CMIP: variants seen among roughly 807,000 people sequenced by gnomAD.
CMIP encodes the protein C-Maf-inducing protein.
Under a neutral mutation model 97.3 loss-of-function variants are expected in CMIP, and 13 were observed. That is an observed-to-expected ratio of 0.13 (90% confidence interval 0.09 to 0.21). The LOEUF (loss-of-function observed/expected upper bound fraction) is 0.21, where lower values mean the gene tolerates loss of function less well. Among genes scored for constraint, CMIP ranks in the 10% least tolerant of loss-of-function variants. The pLI is 1.00. For missense variants in CMIP, 847 were observed against 1,024.9 expected (o/e 0.83, Z 2.37); for synonymous variants, 538 against 436.3 (o/e 1.23, Z -2.91).
At chr16:81,493,195 G>C (rs1047671499) in intron 1 of CMIP, among the ~76,000 whole-genome samples, 1 of 152,154 alleles carries the variant, frequency 6.6e-6, no homozygotes, top group African/African-American at 2.4e-5. Context: ...CACTTCAGGG[G>C]TGATGGAGCC....
chr16:81,564,605 G>C (rs1030461309), intron 1 of CMIP, among the ~76,000 whole-genome samples: 1 of 152,238 alleles, frequency 6.6e-6, no homozygotes, highest in South Asian at 2.1e-4. Flanking sequence ...CTGCGCCGCA[G>C]TGCCAGGGAG....
chr16:81,483,641 T>C (rs954811909), intron 1 of CMIP, among the ~76,000 whole-genome samples: 1 of 150,900 alleles, frequency 6.6e-6, no homozygotes, highest in Non-Finnish European at 1.5e-5. Context: ...CCCACTGTTT[T>C]GTGGGGATTG....
rs2092442639 is a variant in CMIP at position 81,652,767 on chromosome 16, G to A, written c.639+403G>A. Among the ~76,000 whole-genome samples, 1 of 152,190 alleles carries A rather than the reference G, an allele frequency of 6.6e-6. No individual in the cohort carries two copies. The highest frequency in any genetic ancestry group is 6.5e-5 in the Admixed American group (1 of 15,282). ...TTAAACACCATTTTAAAAATCAGGA[G>A]ATTTCACAGTACAGTGGGAATTTCC... On this transcript the variant is annotated intron_variant, in intron 4 of 20. Coordinates refer to ENST00000537098, the MANE Select transcript of CMIP (RefSeq NM_198390.3). This position sits in a 1 kb window ranked among gnomAD's most constrained non-coding sequence, Gnocchi z 5.2.
rs145990628 is a variant in CMIP, at chr16:81,486,126, C to T, written c.300+40585C>T. On this transcript the variant is annotated intron_variant, in intron 1 of 20. Transcript: ENST00000537098. ...GCGTGTTGGTTTGCACGTTCATTGC[C>T]TGCTGGCCAGAGCGAGCTGGTGTGT... Among the ~76,000 whole-genome samples the T allele has an allele frequency of 3.5e-3, 526 of 152,374 alleles. 5 individuals are homozygous for T. The highest frequency in any genetic ancestry group is 0.012 in the African/African-American group (495 of 41,596).
At chr16:81,479,015 A>T (rs1399284658) in intron 1 of CMIP, among the ~76,000 whole-genome samples, 1 of 152,210 alleles carries the variant, frequency 6.6e-6, no homozygotes, top group Non-Finnish European at 1.5e-5. Context: ...CTGGACGCCT[A>T]GGAGAAGCCG....
chr16:81,647,132 T>C (rs2092372544), intron 3 of CMIP, among the ~76,000 whole-genome samples: 1 of 152,222 alleles, frequency 6.6e-6, no homozygotes, highest in South Asian at 2.1e-4. Context: ...TGTCTGTCAT[T>C]TTCTATTACA....
At chr16:81,528,771 A>G (rs886587454) in intron 1 of CMIP, among the ~76,000 whole-genome samples, 2 of 152,220 alleles carry the variant, frequency 1.3e-5, no homozygotes, top group Non-Finnish European at 2.9e-5. Context: ...AATTAAGGTC[A>G]TAGAGCATGG....
At chr16:81,554,355 T>G (rs1258422185) in intron 1 of CMIP, among the ~76,000 whole-genome samples, 2 of 152,222 alleles carry the variant, frequency 1.3e-5, no homozygotes, top group Non-Finnish European at 2.9e-5. Context: ...GCAGAAAGAT[T>G]CAGAGAAATA....
intron 7 of CMIP, among the ~76,000 whole-genome samples, chr16:81,669,572 C>G (rs1163937303): frequency 6.7e-6 from 1 of 148,630 alleles, no homozygotes; most frequent in African/African-American, 2.5e-5. Flanking sequence ...TCCTTCCACA[C>G]CCACCTCTCA....
At chr16:81,548,130 CTTTTTTTTTTT>C (rs11351275) in intron 1 of CMIP, among the ~76,000 whole-genome samples, 3 of 111,770 alleles carry the variant, frequency 2.7e-5, no homozygotes, top group Non-Finnish European at 5.4e-5. Context: ...GGATGGATCA[CTTTTTTTTTTT>C]TTTTTTTTTT....
At chr16:81,452,671 G>A (rs874834) in intron 1 of CMIP, among the ~76,000 whole-genome samples, 73,989 of 151,690 alleles carry the variant, frequency 0.49, 18,232 homozygotes, top group East Asian at 0.66. Flanking sequence ...GATCATCTGT[G>A]GAAATCACCC....
chr16:81,611,455 T>TC (rs1345530517), intron 2 of CMIP: 2 of 152,594 alleles, frequency 1.3e-5, no homozygotes, highest in African/African-American at 4.8e-5. Flanking sequence ...TAGTGCCCCT[T>TC]CCCTACCCCA....
intron 1 of CMIP, among the ~76,000 whole-genome samples, chr16:81,536,082 C>T (rs1326516246): frequency 6.6e-6 from 1 of 152,170 alleles, no homozygotes; most frequent in Non-Finnish European, 1.5e-5. Flanking sequence ...CGAAGCATCC[C>T]CCGACCCCTG....
intron 1 of CMIP, among the ~76,000 whole-genome samples, chr16:81,491,125 G>C (rs1026290947): frequency 6.6e-6 from 1 of 152,150 alleles, no homozygotes; most frequent in Non-Finnish European, 1.5e-5. Flanking sequence ...TGACCCATGT[G>C]GGGTCTGGCC....
chr16:81,527,065 G>A (rs1278966462), intron 1 of CMIP, among the ~76,000 whole-genome samples: 4 of 152,242 alleles, frequency 2.6e-5, no homozygotes, highest in Admixed American at 1.3e-4. Flanking sequence ...CAGACAACAC[G>A]CGCGGGCCAG....
chr16:81,626,667 CTATT>C (rs532461842), intron 3 of CMIP, among the ~76,000 whole-genome samples: 254 of 128,262 alleles, frequency 2.0e-3, no homozygotes, highest in African/African-American at 6.6e-3. Context: ...TGTGGGGTGA[CTATT>C]TGTGTGTATA....
intron 1 of CMIP, among the ~76,000 whole-genome samples, chr16:81,582,646 C>T (rs2091314751): frequency 6.6e-6 from 1 of 152,134 alleles, no homozygotes. Context: ...GTACCAAAGT[C>T]ACGGTGGCTG....
At chr16:81,541,058 T>A (rs2090440741) in intron 1 of CMIP, among the ~76,000 whole-genome samples, 2 of 151,946 alleles carry the variant, frequency 1.3e-5, no homozygotes, top group Non-Finnish European at 2.9e-5. Context: ...TGTTAAGTCT[T>A]GATGACTAAA....
chr16:81,701,874 C>G, intron 16 of CMIP, 74 bp downstream of exon 16: 2 of 1,576,604 alleles, frequency 1.3e-6, no homozygotes, highest in Non-Finnish European at 1.7e-6. Context: ...TGCGGGGCAG[C>G]TAGTACTTGG....
Sources: allele counts gnomAD v4.1 joint callset (sites outside exome capture counted in the v4.1 genomes callset), GRCh38; gene constraint gnomAD v4.1.1; non-coding constraint Gnocchi (gnomAD v3.1); transcripts MANE v1.5; gene names NCBI Gene and HGNC (gene_info 2026-07-23, HGNC 2026-07-21).